Variants in FBLN1 observed in about 807,000 individuals in gnomAD.
The protein encoded by FBLN1 is fibulin-1.
Under a neutral mutation model 89.7 loss-of-function variants are expected in FBLN1, and 34 were observed. The observed-to-expected ratio is 0.38, with a 90% CI of 0.29 to 0.50. FBLN1 has a LOEUF of 0.50. Among genes scored for constraint, FBLN1 ranks in the 20% least tolerant of loss-of-function variants. FBLN1 has a pLI of 0.92. For synonymous variants in FBLN1, 393 were observed against 391.3 expected (o/e 1.00, Z -0.05); for missense variants, 777 against 988.1 (o/e 0.79, Z 2.86).
chr22:45,521,764 C>T (rs186285742), intron 2 of FBLN1, among the ~76,000 whole-genome samples: 40 of 152,258 alleles, frequency 2.6e-4, no homozygotes, highest in Non-Finnish European at 5.1e-4. Flanking sequence ...CTGGTTGAGG[C>T]AAGGGCTGTG....
Position 45,597,192 on chromosome 22 carries a change from A to G in FBLN1, c.1973-3115A>G, listed in dbSNP as rs6007102. Among the ~76,000 whole-genome samples the G allele has an allele frequency of 0.29, 44,560 of 151,918 alleles. 9,467 individuals are homozygous for G. Among genetic ancestry groups the G allele is most frequent in the African/African-American group, 0.6 (24,977 of 41,388 alleles). On this transcript the variant is annotated intron_variant, in intron 16 of 16. Coordinates refer to ENST00000327858, the MANE Select transcript of FBLN1 (RefSeq NM_006486.3). The surrounding 1 kb of genome is among the most constrained non-coding windows in gnomAD (Gnocchi z 4.2). ...TAATTTTTGTATTTTTTGTAGAGAC[A>G]GGGTTTTGCCACGTTGCCCACGCTG... is the stretch of plus-strand genomic sequence containing the variant.
Position 45,503,005 on chromosome 22 carries a change from C to A in FBLN1, c.20C>A (p.Ser7Ter). The change falls in exon 1 of 17, where the codon TCG becomes TAG. Residue 7 changes from serine (S) to a stop codon, truncating the protein, a stop_gained. Coordinates refer to ENST00000327858, the MANE Select transcript of FBLN1 (RefSeq NM_006486.3). LOFTEE classifies it high-confidence loss of function. MERAAP[S>*]RRVPLPLLLL... ...CCGCCCATGGAGCGCGCCGCGCCGT[C>A]GCGCCGGGTCCCGCTTCCGCTGCTG... The A allele has an allele frequency of 8.1e-7, 1 of 1,234,692 alleles. No homozygotes were observed. The highest frequency in any genetic ancestry group is 1.0e-6 in the Non-Finnish European group (1 of 989,594). 76.5% of individuals were successfully genotyped at this position (1,234,692 alleles called of 1,614,324 possible).
Position 45,543,431 on chromosome 22 carries a change from G to T in FBLN1, c.1226G>T (p.Arg409Leu). The T allele has an allele frequency of 6.2e-7, 1 of 1,613,556 alleles. No individual in the cohort carries two copies. Residue 409 changes from arginine to leucine, a missense_variant, in exon 11 of 17, where the codon CGC (arginine) becomes CTC (leucine). By Grantham distance (102) the Arg-to-Leu change is moderately radical. Transcript: ENST00000327858. Reference protein sequence around the residue: ...DVNECQRYPGRLCGHKCENTL... With the variant: ...DVNECQRYPGLLCGHKCENTL... ...AACGAGTGCCAGCGCTACCCCGGGCGCCTGTGTGGCCACAAGTGCGAGAAC... is the reference window on the plus strand; with the variant it reads ...AACGAGTGCCAGCGCTACCCCGGGCTCCTGTGTGGCCACAAGTGCGAGAAC...
rs868674678 is a variant in FBLN1 at position 45,555,292 on chromosome 22, A to T, written c.1697+4677A>T. ...AATGGAATATATATATATATATATA[A>T]AATGGAATATATATATGGAATATAT... On this transcript the variant is annotated intron_variant, in intron 14 of 16. Coordinates refer to ENST00000327858, the MANE Select transcript of FBLN1 (RefSeq NM_006486.3). Among the ~76,000 whole-genome samples, 982 of 141,764 alleles carry T rather than the reference A, an allele frequency of 6.9e-3. 15 individuals carry two copies. Among genetic ancestry groups the T allele is most frequent in the African/African-American group, 0.026 (907 of 35,126 alleles). 93.0% of individuals were successfully genotyped at this position (141,764 alleles called of 152,430 possible).
At position 45,530,001 on chromosome 22, in the gene FBLN1, G is replaced by C. The variant is rs867373779; in HGVS notation, c.485-1264G>C. On this transcript the variant is annotated intron_variant, in intron 4 of 16. Transcript: ENST00000327858. This position sits in a 1 kb window ranked among gnomAD's most constrained non-coding sequence, Gnocchi z 5.4. ...GGTGACACGGAACCTTTCACTTCTT[G>C]TTCTTAGGTTTTCAAGTCCAGGCTG... Among the ~76,000 whole-genome samples, 5 of 152,182 alleles carry C rather than the reference G, an allele frequency of 3.3e-5. No individual in the cohort carries two copies. In the South Asian group the frequency reaches 6.2e-4, roughly 19 times the overall value.
At chr22:45,542,371 G>A (rs1240957841) in intron 10 of FBLN1, 88 bp downstream of exon 10, 2 of 1,526,110 alleles carry the variant, frequency 1.3e-6, no homozygotes, top group African/African-American at 2.7e-5. Flanking sequence ...GATGTGGTCT[G>A]ATCCTCATCT....
At chr22:45,510,328 A>T (rs2088082699) in intron 1 of FBLN1, among the ~76,000 whole-genome samples, 1 of 152,028 alleles carries the variant, frequency 6.6e-6, no homozygotes, top group Non-Finnish European at 1.5e-5. Flanking sequence ...ACCCAGTGGA[A>T]ATTTTGCCAG....
rs1480264790 is a variant in FBLN1, at chr22:45,588,302, CCTT to C, written c.1972+11197_1972+11199del. On this transcript the variant is annotated intron_variant, in intron 16 of 16. Transcript: ENST00000327858. The surrounding 1 kb of genome is among the most constrained non-coding windows in gnomAD (Gnocchi z 5.1). The stretch of plus-strand genomic sequence containing the variant: ...CTGGAGTGGCCATGCCTGGGGAACT[CCTT>C]CTGGAAAGTCTGTCGTGAACCAGAG... Among the ~76,000 whole-genome samples the C allele has an allele frequency of 1.3e-5, 2 of 152,080 alleles. No homozygotes were observed. The highest frequency in any genetic ancestry group is 2.4e-5 in the African/African-American group (1 of 41,400).
chr22:45,502,907 G>T lies in FBLN1; in HGVS notation c.-79G>T, dbSNP rs543165852. Reference sequence around the variant, plus strand: ...CGTTGGCTGCCGAGGCTCGGCCGGAGCGTGGAGCCCGCGCCGCTGCCCCAG... The same window carrying T: ...CGTTGGCTGCCGAGGCTCGGCCGGATCGTGGAGCCCGCGCCGCTGCCCCAG... On this transcript the variant is annotated 5_prime_UTR_variant, in exon 1 of 17. Transcript: ENST00000327858. 1.5e-5 allele frequency: 8 copies of T among 520,484 alleles called. No homozygotes were observed. The African/African-American group carries it at 1.7e-4, about 11-fold the overall frequency. 32.2% of individuals were successfully genotyped at this position (520,484 alleles called of 1,614,324 possible). A position where few individuals can be genotyped will look rare whatever the true frequency, so the allele number is the denominator to read the frequency against.
At chr22:45,508,598 CT>C (rs1335482365) in intron 1 of FBLN1, among the ~76,000 whole-genome samples, 1 of 152,116 alleles carries the variant, frequency 6.6e-6, no homozygotes, top group African/African-American at 2.4e-5. Flanking sequence ...ATCTTTAAGT[CT>C]AGTTCAGGGG....
chr22:45,574,984 G>A lies in FBLN1; in HGVS notation c.1840+331G>A, dbSNP rs1012674042. On this transcript the variant is annotated intron_variant, in intron 15 of 16. Coordinates refer to ENST00000327858, the MANE Select transcript of FBLN1 (RefSeq NM_006486.3). This position sits in a 1 kb window ranked among gnomAD's most constrained non-coding sequence, Gnocchi z 4.1. ...TTTTTAGTAAAGACGGGGTTTCACC[G>A]TGTTCGCCAGGATGGTCTCAATCTC... 5.9e-5 allele frequency among the ~76,000 whole-genome samples: 9 copies of A among 151,768 alleles called. No individual in the cohort carries two copies. The highest frequency in any genetic ancestry group is 5.8e-4 in the East Asian group (3 of 5,164).
intron 14 of FBLN1, among the ~76,000 whole-genome samples, chr22:45,554,628 G>A (rs968292382): frequency 1.2e-4 from 18 of 152,222 alleles, no homozygotes; most frequent in African/African-American, 4.3e-4. Flanking sequence ...CCCAGCACGA[G>A]ACATGGAAAC....
Position 45,592,040 on chromosome 22 carries a change from T to A in FBLN1, c.1973-8267T>A, listed in dbSNP as rs1033941765. ...TTTTGCAGACAGGAGGAAGGAGATG[T>A]AGTGGGATGGGAAGATCTGGGCTCT... is the stretch of plus-strand genomic sequence containing the variant. On this transcript the variant is annotated intron_variant, in intron 16 of 16. Coordinates refer to ENST00000327858, the MANE Select transcript of FBLN1 (RefSeq NM_006486.3). 5.3e-5 allele frequency among the ~76,000 whole-genome samples: 8 copies of A among 152,206 alleles called. 1 individual carries two copies. In the East Asian group the frequency reaches 7.8e-4, roughly 15 times the overall value.
intron 14 of FBLN1, chr22:45,558,202 C>A: frequency 1.5e-6 from 1 of 670,816 alleles, no homozygotes; most frequent in Non-Finnish European, 2.8e-6. Context: ...AGGACCTGCT[C>A]AAGCCCGATC....
In FBLN1 at chr22:45,583,229, G is replaced by A. The variant is rs142373433; in HGVS notation, c.1972+6121G>A. Among the ~76,000 whole-genome samples, 275 of 152,240 alleles carry A rather than the reference G, an allele frequency of 1.8e-3. No individual in the cohort carries two copies. Among genetic ancestry groups the A allele is most frequent in the Non-Finnish European group, 1.6e-3 (107 of 68,006 alleles). On this transcript the variant is annotated intron_variant, in intron 16 of 16. Coordinates refer to ENST00000327858, the MANE Select transcript of FBLN1 (RefSeq NM_006486.3). The surrounding 1 kb of genome is among the most constrained non-coding windows in gnomAD (Gnocchi z 4.5). ...TCTCTGTTGTCCCCCAAGCCCCTCA[G>A]CCCCCCAGGCAGCTCTAAGGGCTCA...
rs1468739531 is a variant in FBLN1 at position 45,504,834 on chromosome 22, T to TA, written c.79+1774dup. Among the ~76,000 whole-genome samples the TA allele has an allele frequency of 3.9e-5, 6 of 152,368 alleles. No homozygotes were observed. The East Asian group carries it at 1.2e-3, about 29-fold the overall frequency. On this transcript the variant is annotated intron_variant, in intron 1 of 16. Coordinates refer to ENST00000327858, the MANE Select transcript of FBLN1 (RefSeq NM_006486.3). The stretch of plus-strand genomic sequence containing the variant: ...AAAGCCTCCTAATTGCACACTTCGA[T>TA]AAAAGCAGCTGGATGTCCTGTGGGC...
At chr22:45,591,221 C>A (rs546925483) in intron 16 of FBLN1, among the ~76,000 whole-genome samples, 4 of 152,268 alleles carry the variant, frequency 2.6e-5, no homozygotes, top group African/African-American at 9.6e-5. Flanking sequence ...ACTCACGTAA[C>A]CACACAGAGC....
chr22:45,523,310 G>A (rs889846405), intron 2 of FBLN1: 1 of 590,412 alleles, frequency 1.7e-6, no homozygotes, highest in Non-Finnish European at 3.1e-6. Context: ...AGGGGGCCAT[G>A]AGATAGAGGC....
At chr22:45,533,324 G>T (rs1267688319) in intron 6 of FBLN1, among the ~76,000 whole-genome samples, 160 bp downstream of exon 6, 1 of 152,256 alleles carries the variant, frequency 6.6e-6, no homozygotes, top group African/African-American at 2.4e-5. Context: ...GGAGTTTGCA[G>T]CGCAGAGGCC....
Sources: gnomAD v4.1 joint callset for allele counts (sites outside exome capture counted in the v4.1 genomes callset) on GRCh38, gnomAD v4.1.1 for gene constraint, Gnocchi (gnomAD v3.1) non-coding constraint, MANE v1.5 for transcripts, NCBI Gene and HGNC (gene_info 2026-07-23, HGNC 2026-07-21) for gene names.